The following BPTF variants were observed in gnomAD, a reference collection of about 807,000 sequenced individuals.
BPTF encodes bromodomain PHD finger transcription factor.
Under a neutral mutation model 292.5 loss-of-function variants are expected in BPTF, and 18 were observed. That is an observed-to-expected ratio of 0.06 (90% CI 0.04 to 0.09). BPTF has a LOEUF of 0.09. Ranked by LOEUF, BPTF falls within the 10% of genes least tolerant of loss-of-function variation. The pLI is 1.00. For missense variants in BPTF, 2,726 were observed against 3,498.7 expected, an observed-to-expected ratio of 0.78 and a Z score of 5.57; for synonymous variants, 1,225 against 1,251.9, an observed-to-expected ratio of 0.98 and a Z score of 0.45.
intron 1 of BPTF, among the ~76,000 whole-genome samples, chr17:67,850,846 G>A (rs565135322): frequency 2.0e-5 from 3 of 152,260 alleles, no homozygotes; most frequent in African/African-American, 7.2e-5. Context: ...CATATTAAAT[G>A]CTCTGCATTG....
chr17:67,966,034 G>A (rs187612577), intron 25 of BPTF: 1 of 155,264 alleles, frequency 6.4e-6, no homozygotes, highest in Admixed American at 6.3e-5. Flanking sequence ...CAGCCTGAAT[G>A]ACAGAGCGAG....
At chr17:67,926,294 T>C (rs1261930882) in intron 15 of BPTF, among the ~76,000 whole-genome samples, 1 of 147,764 alleles carries the variant, frequency 6.8e-6, no homozygotes, top group East Asian at 2.0e-4. Context: ...CGAGCACCAC[T>C]GCATTTGGCC....
chr17:67,918,498 TA>T (rs1056728748), intron 11 of BPTF, among the ~76,000 whole-genome samples: 240 of 151,414 alleles, frequency 1.6e-3, no homozygotes, highest in African/African-American at 4.9e-3. Context: ...TAGCCCCTTT[TA>T]AAAAAAAATG....
intron 1 of BPTF, among the ~76,000 whole-genome samples, chr17:67,834,239 T>TA (rs2056953026): frequency 6.6e-6 from 1 of 152,226 alleles, no homozygotes; most frequent in South Asian, 2.1e-4. Context: ...ATCCTTCTGT[T>TA]ACTGATTTCT....
intron 18 of BPTF, among the ~76,000 whole-genome samples, chr17:67,932,600 C>T (rs2064496610): frequency 6.6e-6 from 1 of 152,112 alleles, no homozygotes; most frequent in Non-Finnish European, 1.5e-5. Flanking sequence ...ACTTGGGAGG[C>T]CGAGGTGGAA....
In BPTF at chr17:67,946,336, TAAG is replaced by T. The variant is rs2065809509; in HGVS notation, c.7617+12_7617+14del. On this transcript the variant is annotated intron_variant, in intron 21 of 27. Coordinates refer to ENST00000306378, the MANE Select transcript of BPTF (RefSeq NM_182641.4). ...ATCATTCAGAAACAGGTAAAGTTAT[TAAG>T]TAAAAGCAGCATGTTCAGTAGCTTG... is the stretch of plus-strand genomic sequence containing the variant. 6.2e-7 allele frequency: 1 copy of T among 1,611,694 alleles called. No individual in the cohort carries two copies. The highest frequency in any genetic ancestry group is 8.5e-7 in the Non-Finnish European group (1 of 1,178,974).
intron 23 of BPTF, among the ~76,000 whole-genome samples, chr17:67,952,636 C>G (rs1348362817): frequency 6.6e-6 from 1 of 152,152 alleles, no homozygotes; most frequent in Non-Finnish European, 1.5e-5. Flanking sequence ...CCCACCCACA[C>G]ACAATTTCCC....
chr17:67,943,132 C>A (rs183757096), intron 19 of BPTF, among the ~76,000 whole-genome samples: 6 of 152,178 alleles, frequency 3.9e-5, no homozygotes, highest in Admixed American at 3.9e-4. Flanking sequence ...GAATTGAAAT[C>A]CGGGTGAGTC....
chr17:67,962,435 C>T (rs2067605381), intron 24 of BPTF, among the ~76,000 whole-genome samples: 1 of 152,286 alleles, frequency 6.6e-6, no homozygotes. Context: ...TTCCTTTTGT[C>T]ATTAGGTCTT....
At chr17:67,948,382 A>G in intron 23 of BPTF, 76 bp downstream of exon 23, 13 of 1,317,830 alleles carry the variant, frequency 9.9e-6, no homozygotes, top group Non-Finnish European at 1.2e-5. Context: ...TGCCTTTTTA[A>G]TAAAGCTTAA....
Position 67,940,652 on chromosome 17 carries a change from G to A in BPTF, c.6473G>A (p.Gly2158Asp). ...TMAQLTQLTQ[G>D]HGGNQGLTVV... ...GCTCAACTTACTCAGTTAACACAGG[G>A]CCACGTAAGTAACATAAGCTTTATT... Residue 2158 changes from glycine (G) to aspartate (D), a missense_variant, in exon 19 of 28, where the codon GGC (glycine) becomes GAC (aspartate). Physicochemically the swap from Gly to Asp is moderately conservative, Grantham distance 94. This residue lies in a region of BPTF where 570 missense variants were observed against 633.5 expected (regional missense o/e 0.90). Coordinates refer to ENST00000306378, the MANE Select transcript of BPTF (RefSeq NM_182641.4). The A allele has an allele frequency of 1.2e-6, 2 of 1,612,506 alleles. No homozygotes were observed. The highest frequency in any genetic ancestry group is 1.7e-5 in the Admixed American group (1 of 60,014).
At chr17:67,981,814 C>A in intron 27 of BPTF, 1 of 854,574 alleles carries the variant, frequency 1.2e-6, no homozygotes, top group South Asian at 5.4e-5. Context: ...ATTGCTTTTT[C>A]TTTTGTTTTA....
chr17:67,924,498 G>T, intron 14 of BPTF, 49 bp from the exon 15 acceptor site: 1 of 1,568,670 alleles, frequency 6.4e-7, no homozygotes, highest in Non-Finnish European at 8.7e-7. Context: ...TTAGATGCCA[G>T]ATGCCTAACA....
At chr17:67,952,925 A>T (rs531266327) in intron 23 of BPTF, among the ~76,000 whole-genome samples, 4 of 152,138 alleles carry the variant, frequency 2.6e-5, no homozygotes, top group Admixed American at 6.6e-5. Context: ...CCTTCATTAC[A>T]TCTTTGAATA....
intron 17 of BPTF, among the ~76,000 whole-genome samples, chr17:67,930,801 T>G (rs2064312023): frequency 6.6e-6 from 1 of 151,726 alleles, no homozygotes; most frequent in African/African-American, 2.4e-5. Context: ...AAAAATTAGC[T>G]GGGCATGGTG....
At chr17:67,849,942 G>GA (rs546394208) in intron 1 of BPTF, among the ~76,000 whole-genome samples, 2,546 of 147,478 alleles carry the variant, frequency 0.017, 25 homozygotes, top group South Asian at 0.032. Context: ...CTCCATCTCA[G>GA]AAAAAAAAAA....
Position 67,982,398 on chromosome 17 carries a change from C to A in BPTF, c.*110C>A. The A allele has an allele frequency of 9.4e-7, 1 of 1,059,430 alleles. No homozygotes were observed. Among genetic ancestry groups the A allele is most frequent in the South Asian group, 1.5e-5 (1 of 66,490 alleles). 65.6% of individuals were successfully genotyped at this position (1,059,430 alleles called of 1,614,324 possible). On this transcript the variant is annotated 3_prime_UTR_variant, in exon 28 of 28. Transcript: ENST00000306378. ...TCAGGCTATCCTGACAAGACTTGAC[C>A]TAAACTTCGTTTTTATTGGTCATAA...
At chr17:67,875,455 C>A in intron 4 of BPTF, 1 of 848,566 alleles carries the variant, frequency 1.2e-6, no homozygotes, top group Non-Finnish European at 1.7e-6. Context: ...TCAATGGAAG[C>A]AGGTTTTTTG....
intron 23 of BPTF, chr17:67,956,701 C>G (rs556417372): frequency 6.7e-6 from 1 of 149,090 alleles, no homozygotes. Context: ...CAGTGGCTTA[C>G]GCCTGTAATC....
Sources: gnomAD v4.1 joint callset for allele counts (sites outside exome capture counted in the v4.1 genomes callset) on GRCh38, gnomAD v4.1.1 for gene constraint, gnomAD v4.1.1 regional missense constraint, MANE v1.5 for transcripts, NCBI Gene and HGNC (gene_info 2026-07-23, HGNC 2026-07-21) for gene names.